Variants in DNAH8 observed in about 807,000 individuals in gnomAD.
The protein encoded by DNAH8 is axonemal beta dynein heavy chain 8.
Under a neutral mutation model 562.1 loss-of-function variants are expected in DNAH8, and 382 were observed. The observed-to-expected ratio is 0.68, with a 90% CI of 0.63 to 0.74. DNAH8 has a LOEUF of 0.74. Ranked by LOEUF, DNAH8 falls within the 30% of genes least tolerant of loss-of-function variation. DNAH8 has a pLI of 0.00. For synonymous variants in DNAH8, 1,881 were observed against 1,919.4 expected (o/e 0.98, Z 0.52); for missense variants, 5,203 against 5,620.4 (o/e 0.93, Z 2.37).
intron 26 of DNAH8, among the ~76,000 whole-genome samples, chr6:38,815,900 A>C (rs1451433731): frequency 6.6e-6 from 1 of 152,140 alleles, no homozygotes; most frequent in Non-Finnish European, 1.5e-5. Flanking sequence ...CACTAATTTT[A>C]CTTTCTGCAT....
chr6:38,893,349 G>C (rs569592751), intron 58 of DNAH8, among the ~76,000 whole-genome samples: 1 of 152,310 alleles, frequency 6.6e-6, no homozygotes, highest in South Asian at 2.1e-4. Context: ...AAGAAAGAAG[G>C]TGATGAAAAG....
In DNAH8 at chr6:38,866,610, G is replaced by T. The variant is rs139579198; in HGVS notation, c.6518G>T (p.Arg2173Leu). Reference protein sequence around the residue: ...FLTMNPGYAGRQELPENLKIQ... With the variant: ...FLTMNPGYAGLQELPENLKIQ... ...TTTTAGAACCCTGGATATGCTGGGC[G>T]CCAGGAACTACCAGAAAACCTAAAA... The change falls in exon 46 of 93, where the codon CGC becomes CTC. Residue 2173 changes from arginine (R) to leucine (L), a missense_variant. By Grantham distance (102) the Arg-to-Leu change is moderately radical. This residue lies in a region of DNAH8 where 2,176 missense variants were observed against 2,365.1 expected (regional missense o/e 0.92). Transcript: ENST00000327475. 199 of 1,610,314 alleles carry T rather than the reference G, an allele frequency of 1.2e-4. No individual in the cohort carries two copies. Among genetic ancestry groups the T allele is most frequent in the Non-Finnish European group, 1.6e-4 (191 of 1,178,734 alleles).
chr6:38,897,118 G>A (rs1283747660), intron 60 of DNAH8, among the ~76,000 whole-genome samples: 1 of 152,058 alleles, frequency 6.6e-6, no homozygotes, highest in Non-Finnish European at 1.5e-5. Context: ...CACCCATCTC[G>A]GCCTCCCAAA....
rs139316401 is a variant in DNAH8 at position 38,801,195 on chromosome 6, C to T, written c.2902-1984C>T. Among the ~76,000 whole-genome samples, 172 of 152,094 alleles carry T rather than the reference C, an allele frequency of 1.1e-3. 1 individual carries two copies. Among genetic ancestry groups the T allele is most frequent in the East Asian group, 1.7e-3 (9 of 5,176 alleles). On this transcript the variant is annotated intron_variant, in intron 21 of 92. Transcript: ENST00000327475. Reference sequence around the variant, plus strand: ...TTTTAGTTTTAGTTCTGAAATTTTACGTCTATAATCCATTTTGAGCTAATC... The same window carrying T: ...TTTTAGTTTTAGTTCTGAAATTTTATGTCTATAATCCATTTTGAGCTAATC...
At position 38,909,647 on chromosome 6, in the gene DNAH8, A is replaced by C. The variant is rs145107574; in HGVS notation, c.9643A>C (p.Asn3215His). ...GGCCTCCTACTTCCTTTCAGACTATAATATTGTCTGCTCTAGTGAAATTAA... is the reference window on the plus strand; with the variant it reads ...GGCCTCCTACTTCCTTTCAGACTATCATATTGTCTGCTCTAGTGAAATTAA... ...AVASYFLSDY[N>H]IVCSSEIKRQ... The change falls in exon 65 of 93, where the codon AAT becomes CAT. Residue 3215 changes from asparagine (N) to histidine (H), a missense_variant. By Grantham distance (68) the Asn-to-His change is moderately conservative. This residue lies in a region of DNAH8 where 977 missense variants were observed against 1,061.8 expected (regional missense o/e 0.92). Coordinates refer to ENST00000327475, the MANE Select transcript of DNAH8 (RefSeq NM_001206927.2). 6.2e-7 allele frequency: 1 copy of C among 1,614,160 alleles called. No homozygotes were observed. The highest frequency in any genetic ancestry group is 1.7e-5 in the Admixed American group (1 of 60,014).
chr6:38,793,498 TTA>T (rs1769946229), intron 21 of DNAH8, among the ~76,000 whole-genome samples: 2 of 152,242 alleles, frequency 1.3e-5, no homozygotes, highest in Non-Finnish European at 2.9e-5. Flanking sequence ...TTTTTCCATT[TTA>T]TGACTTTCGT....
intron 36 of DNAH8, among the ~76,000 whole-genome samples, chr6:38,845,975 C>T (rs1314784185): frequency 6.6e-6 from 1 of 152,126 alleles, no homozygotes; most frequent in African/African-American, 2.4e-5. Context: ...ATCTCCCCTT[C>T]CCTATTTTTC....
chr6:38,862,541 T>C (rs1277094704), intron 44 of DNAH8, 83 bp downstream of exon 44: 1 of 1,452,966 alleles, frequency 6.9e-7, no homozygotes, highest in Non-Finnish European at 9.3e-7. Context: ...AAATCCAAAG[T>C]GACGTGATCT....
At chr6:38,877,028 G>A (rs749532914) in intron 53 of DNAH8, among the ~76,000 whole-genome samples, 47 of 152,174 alleles carry the variant, frequency 3.1e-4, no homozygotes, top group Non-Finnish European at 5.9e-4. Context: ...AACTAACAAA[G>A]GAATCTTTAA....
At chr6:38,741,262 C>T (rs1448851867) in intron 7 of DNAH8, among the ~76,000 whole-genome samples, 1 of 151,950 alleles carries the variant, frequency 6.6e-6, no homozygotes, top group Non-Finnish European at 1.5e-5. Context: ...AATTAGCTGT[C>T]TGTGGTAGCA....
intron 24 of DNAH8, among the ~76,000 whole-genome samples, chr6:38,810,870 T>C (rs200779170): frequency 6.6e-6 from 1 of 152,268 alleles, no homozygotes; most frequent in East Asian, 1.9e-4. Context: ...CTTTTATCCT[T>C]TTTTGTAAGT....
intron 14 of DNAH8, among the ~76,000 whole-genome samples, chr6:38,779,009 T>C (rs1768323051): frequency 6.6e-6 from 1 of 152,228 alleles, no homozygotes; most frequent in Non-Finnish European, 1.5e-5. Flanking sequence ...CCACATTTTT[T>C]TGTGGTATGA....
At position 38,924,508 on chromosome 6, in the gene DNAH8, C is replaced by A. The variant is rs57754616; in HGVS notation, c.10962+346C>A. 4.0e-3 allele frequency among the ~76,000 whole-genome samples: 596 copies of A among 150,012 alleles called. 3 individuals are homozygous for A. Among genetic ancestry groups the A allele is most frequent in the African/African-American group, 0.014 (569 of 41,222 alleles). ...AACAAGAGAGAAACTCCATCCCCCC[C>A]CCAAAAAAAAGAAACCCAGGTTCAT... On this transcript the variant is annotated intron_variant, in intron 73 of 92. Coordinates refer to ENST00000327475, the MANE Select transcript of DNAH8 (RefSeq NM_001206927.2).
intron 61 of DNAH8, 52 bp downstream of exon 61, chr6:38,898,432 T>C (rs749965935): frequency 7.0e-7 from 1 of 1,433,596 alleles, no homozygotes; most frequent in Admixed American, 2.7e-5. Flanking sequence ...AAAAGCTTCG[T>C]ATATTTCATA....
chr6:38,895,554 A>G (rs1208776095), intron 59 of DNAH8, among the ~76,000 whole-genome samples: 1 of 152,198 alleles, frequency 6.6e-6, no homozygotes, highest in African/African-American at 2.4e-5. Context: ...AAATTCAGTC[A>G]TCTTTTGGAG....
At chr6:38,718,311 C>T (rs569333766) in intron 1 of DNAH8, among the ~76,000 whole-genome samples, 54 of 152,114 alleles carry the variant, frequency 3.5e-4, no homozygotes, top group Non-Finnish European at 6.2e-4. Context: ...TTCATTTTTG[C>T]TACAGTTTTT....
At chr6:39,022,399 C>A (rs921954765) in intron 91 of DNAH8, among the ~76,000 whole-genome samples, 5 of 152,222 alleles carry the variant, frequency 3.3e-5, no homozygotes, top group African/African-American at 1.2e-4. Flanking sequence ...TTCCTGTGAG[C>A]CACTACTCTG....
intron 21 of DNAH8, among the ~76,000 whole-genome samples, chr6:38,800,415 G>C (rs1770683389): frequency 6.7e-6 from 1 of 148,594 alleles, no homozygotes; most frequent in Non-Finnish European, 1.5e-5. Flanking sequence ...GCTATTATTT[G>C]TCTTTTTGGT....
chr6:38,742,875 T>C (rs1562616683), intron 8 of DNAH8, among the ~76,000 whole-genome samples: 1 of 152,114 alleles, frequency 6.6e-6, no homozygotes, highest in Non-Finnish European at 1.5e-5. Flanking sequence ...TTCTAACTTT[T>C]AAATTAAATA....
Sources: gnomAD v4.1 joint callset for allele counts (sites outside exome capture counted in the v4.1 genomes callset) on GRCh38, gnomAD v4.1.1 for gene constraint, gnomAD v4.1.1 regional missense constraint, MANE v1.5 for transcripts, NCBI Gene and HGNC (gene_info 2026-07-23, HGNC 2026-07-21) for gene names.